The following SHB variants were observed in gnomAD, a reference collection of about 807,000 sequenced individuals.
The protein encoded by SHB is SH2 domain-containing adapter protein B.
Under a neutral mutation model 52.3 loss-of-function variants are expected in SHB, and 20 were observed. That is an observed-to-expected ratio of 0.38 (90% CI 0.27 to 0.56). SHB has a LOEUF of 0.56. Among genes scored for constraint, SHB ranks in the 20% least tolerant of loss-of-function variants. The pLI, the probability that SHB is intolerant of heterozygous loss-of-function variation, is 0.71. For synonymous variants in SHB, 397 were observed against 316.5 expected (o/e 1.25, Z -2.70); for missense variants, 825 against 723.3 (o/e 1.14, Z -1.61).
At chr9:37,922,056 G>A (rs1009956349) in intron 5 of SHB, among the ~76,000 whole-genome samples, 1 of 152,220 alleles carries the variant, frequency 6.6e-6, no homozygotes, top group African/African-American at 2.4e-5. Context: ...TCCCCTCTGC[G>A]TGCATGCACT....
At chr9:38,064,349 C>T (rs774045162) in intron 1 of SHB, among the ~76,000 whole-genome samples, 1 of 152,204 alleles carries the variant, frequency 6.6e-6, no homozygotes, top group Non-Finnish European at 1.5e-5. Flanking sequence ...CTTCAAGCCC[C>T]TACCTCTCTC....
intron 1 of SHB, among the ~76,000 whole-genome samples, chr9:38,045,408 T>C (rs530096196): frequency 2.4e-4 from 36 of 151,804 alleles, no homozygotes; most frequent in African/African-American, 8.7e-4. Flanking sequence ...CGAGACCAGC[T>C]TGGTCAACAT....
chr9:38,039,441 A>C (rs1488144567), intron 1 of SHB, among the ~76,000 whole-genome samples: 2 of 152,274 alleles, frequency 1.3e-5, no homozygotes, highest in African/African-American at 4.8e-5. Flanking sequence ...GAAGTCTGCA[A>C]GATCCGAAGG....
At position 37,917,554 on chromosome 9, in the gene SHB, G is replaced by A. The variant is rs1832116445; in HGVS notation, c.*2267C>T. Among the ~76,000 whole-genome samples, 3 of 152,182 alleles carry A rather than the reference G, an allele frequency of 2.0e-5. No individual in the cohort carries two copies. Among genetic ancestry groups the A allele is most frequent in the East Asian group, 3.8e-4 (2 of 5,198 alleles). ...GTGTGAGGTCTCACCCTCCTCCCCC[G>A]CCGGAGGGTTGTTCCCCCTCTTCCT... On this transcript the variant is annotated 3_prime_UTR_variant, in exon 6 of 6. Transcript: ENST00000377707.
At chr9:37,981,783 T>G (rs1383872495) in intron 2 of SHB, among the ~76,000 whole-genome samples, 1 of 152,198 alleles carries the variant, frequency 6.6e-6, no homozygotes, top group African/African-American at 2.4e-5. Context: ...TGTTGTGTTT[T>G]ACAGAATAGA....
chr9:37,974,912 C>A lies in SHB; in HGVS notation c.839-75G>T, dbSNP rs1327894194. The A allele has an allele frequency of 3.9e-6, 5 of 1,271,692 alleles. No individual in the cohort carries two copies. The Admixed American group carries it at 9.2e-5, about 23-fold the overall frequency. 78.8% of individuals were successfully genotyped at this position (1,271,692 alleles called of 1,614,324 possible). A position where few individuals can be genotyped will look rare whatever the true frequency, so the allele number is the denominator to read the frequency against. Reference sequence around the variant, plus strand: ...TCACCTGCATTCCCACCCAGAAACACCACAAACTCAGAGCTGCCAGCGGGG... The same window carrying A: ...TCACCTGCATTCCCACCCAGAAACAACACAAACTCAGAGCTGCCAGCGGGG... On this transcript the variant is annotated intron_variant, in intron 2 of 5. Coordinates refer to ENST00000377707, the MANE Select transcript of SHB (RefSeq NM_003028.3).
intron 1 of SHB, among the ~76,000 whole-genome samples, chr9:38,054,141 T>A (rs1821783700): frequency 6.6e-6 from 1 of 152,224 alleles, no homozygotes; most frequent in Admixed American, 6.5e-5. Flanking sequence ...GGATTTGAGC[T>A]CTGGACTTCC....
chr9:38,027,751 A>T (rs1264511256), intron 1 of SHB, among the ~76,000 whole-genome samples: 2 of 151,918 alleles, frequency 1.3e-5, no homozygotes, highest in African/African-American at 2.4e-5. Context: ...CTCCTGGTGT[A>T]GGCAGAGCGG....
Position 37,918,005 on chromosome 9 carries a change from T to C in SHB, c.*1816A>G, listed in dbSNP as rs1832122834. Among the ~76,000 whole-genome samples, 2 of 151,998 alleles carry C rather than the reference T, an allele frequency of 1.3e-5. No individual in the cohort carries two copies. Among genetic ancestry groups the C allele is most frequent in the Non-Finnish European group, 2.9e-5 (2 of 68,012 alleles). The stretch of plus-strand genomic sequence containing the variant: ...CAGCTCGACACGTGGCCTTGGCGAG[T>C]CCTCCTTCTCCGGGCCTGTGTCTCT... On this transcript the variant is annotated 3_prime_UTR_variant, in exon 6 of 6. Transcript: ENST00000377707.
intron 3 of SHB, among the ~76,000 whole-genome samples, chr9:37,960,845 G>T (rs1198356630): frequency 6.6e-6 from 1 of 152,212 alleles, no homozygotes; most frequent in African/African-American, 2.4e-5. Flanking sequence ...CAGAGGAGTA[G>T]TAGGAGGAAC....
intron 1 of SHB, among the ~76,000 whole-genome samples, chr9:38,063,268 GA>G (rs1821917874): frequency 6.6e-6 from 1 of 152,192 alleles, no homozygotes; most frequent in Non-Finnish European, 1.5e-5. Context: ...ACTCATGTTT[GA>G]CCCCGGCTTC....
At position 37,929,141 on chromosome 9, in the gene SHB, G is replaced by A. The variant is rs1832284714; in HGVS notation, c.1347-9137C>T. 2.6e-5 allele frequency among the ~76,000 whole-genome samples: 4 copies of A among 152,328 alleles called. No individual in the cohort carries two copies. The South Asian group carries it at 8.3e-4, about 32-fold the overall frequency. On this transcript the variant is annotated intron_variant, in intron 5 of 5. Transcript: ENST00000377707. The stretch of plus-strand genomic sequence containing the variant: ...TGAGTCCCTGCCCTGAACTGTGCCT[G>A]GTCTGAGCTTCAGGTCCTCATCTGG...
At chr9:37,982,021 A>C (rs1820733484) in intron 2 of SHB, among the ~76,000 whole-genome samples, 2 of 152,206 alleles carry the variant, frequency 1.3e-5, no homozygotes, top group African/African-American at 4.8e-5. Flanking sequence ...GAGACACAAA[A>C]TGAGCACACG....
chr9:38,048,727 A>G (rs1271981338), intron 1 of SHB, among the ~76,000 whole-genome samples: 2 of 152,218 alleles, frequency 1.3e-5, no homozygotes, highest in Non-Finnish European at 2.9e-5. Flanking sequence ...GAGTTACTCA[A>G]CTCAGCTTTT....
intron 2 of SHB, among the ~76,000 whole-genome samples, chr9:38,010,371 G>A (rs188183580): frequency 2.6e-5 from 4 of 152,288 alleles, no homozygotes; most frequent in Admixed American, 1.3e-4. Flanking sequence ...GTGAAGAGAC[G>A]ATCTCAGGCA....
At chr9:38,042,647 C>T (rs1337866506) in intron 1 of SHB, among the ~76,000 whole-genome samples, 1 of 152,194 alleles carries the variant, frequency 6.6e-6, no homozygotes, top group Non-Finnish European at 1.5e-5. Flanking sequence ...CCTCTGTTGG[C>T]TTCCCTCGGA....
intron 5 of SHB, among the ~76,000 whole-genome samples, chr9:37,944,987 T>C (rs1470717182): frequency 6.6e-6 from 1 of 152,188 alleles, no homozygotes; most frequent in Non-Finnish European, 1.5e-5. Context: ...GGCCTGACTG[T>C]TCTCACCTCT....
intron 5 of SHB, among the ~76,000 whole-genome samples, chr9:37,924,510 CTA>C (rs1832222600): frequency 6.6e-6 from 1 of 152,124 alleles, no homozygotes; most frequent in Admixed American, 6.5e-5. Context: ...GCCTTTGGGA[CTA>C]ATGTGTGGGA....
chr9:38,013,741 G>C (rs1821173390), intron 2 of SHB, among the ~76,000 whole-genome samples: 1 of 152,110 alleles, frequency 6.6e-6, no homozygotes, highest in Admixed American at 6.5e-5. Context: ...CATGAGACTG[G>C]GGCTCCCAGC....
Sources: gnomAD v4.1 joint callset for allele counts (sites outside exome capture counted in the v4.1 genomes callset) on GRCh38, gnomAD v4.1.1 for gene constraint, MANE v1.5 for transcripts, NCBI Gene and HGNC (gene_info 2026-07-23, HGNC 2026-07-21) for gene names.